THSD7A: variants seen among roughly 807,000 people sequenced by gnomAD.
The protein encoded by THSD7A is thrombospondin type 1 domain containing 7A.
THSD7A carries 96 observed loss-of-function variants against 231.3 expected under a neutral mutation model. The ratio of observed to expected loss-of-function variants is 0.41; its 90% CI spans 0.35 to 0.49. The LOEUF is 0.49. Among genes scored for constraint, THSD7A ranks in the 20% least tolerant of loss-of-function variants. THSD7A has a pLI of 0.05. For synonymous variants in THSD7A, 940 were observed against 743.3 expected (o/e 1.26, Z -4.30); for missense variants, 2,290 against 2,070.2 (o/e 1.11, Z -2.06).
intron 6 of THSD7A, among the ~76,000 whole-genome samples, chr7:11,492,670 C>T (rs10950351): frequency 0.4 from 60,359 of 151,772 alleles, 12,253 homozygotes; most frequent in Middle Eastern, 0.46. Flanking sequence ...TTGGAGAGAA[C>T]TGAAGCTAAG....
chr7:11,782,133 G>A (rs1452245275), intron 1 of THSD7A, among the ~76,000 whole-genome samples: 1 of 152,114 alleles, frequency 6.6e-6, no homozygotes, highest in Non-Finnish European at 1.5e-5. Context: ...TTTTAAAAAA[G>A]AAACTAAAAC....
At chr7:11,506,633 T>C (rs1787555141) in intron 6 of THSD7A, among the ~76,000 whole-genome samples, 1 of 152,210 alleles carries the variant, frequency 6.6e-6, no homozygotes, top group African/African-American at 2.4e-5. Context: ...CTTGGCTCCC[T>C]CTACTCTTCT....
intron 4 of THSD7A, among the ~76,000 whole-genome samples, chr7:11,575,692 C>T (rs1790868849): frequency 6.6e-6 from 1 of 152,190 alleles, no homozygotes; most frequent in African/African-American, 2.4e-5. Flanking sequence ...TTAGTACATC[C>T]ATTTCGAAGT....
chr7:11,476,577 G>A (rs554959448), intron 7 of THSD7A, among the ~76,000 whole-genome samples: 1 of 151,928 alleles, frequency 6.6e-6, no homozygotes, highest in African/African-American at 2.4e-5. Context: ...AGCACTTTAG[G>A]GGGCCAAGGT....
chr7:11,382,380 A>G (rs1562563596), intron 24 of THSD7A, 141 bp downstream of exon 24: 1 of 672,488 alleles, frequency 1.5e-6, no homozygotes, highest in Non-Finnish European at 2.6e-6. Flanking sequence ...CCAGATGGGT[A>G]TATACAGCTT....
intron 1 of THSD7A, among the ~76,000 whole-genome samples, chr7:11,734,427 T>C (rs1781838512): frequency 6.6e-6 from 1 of 151,996 alleles, no homozygotes; most frequent in African/African-American, 2.4e-5. Context: ...TTTCATCCTC[T>C]ACACTCCAGA....
At chr7:11,382,289 A>C (rs960071057) in intron 24 of THSD7A, among the ~76,000 whole-genome samples, 1 of 152,168 alleles carries the variant, frequency 6.6e-6, no homozygotes, top group African/African-American at 2.4e-5. Context: ...ATTTTAATTA[A>C]GTTTCAGCAG....
intron 23 of THSD7A, among the ~76,000 whole-genome samples, chr7:11,400,534 C>A (rs2115354498): frequency 6.6e-6 from 1 of 152,190 alleles, no homozygotes; most frequent in African/African-American, 2.4e-5. Context: ...AATTTTATTT[C>A]CTTGTCATTT....
intron 6 of THSD7A, among the ~76,000 whole-genome samples, chr7:11,499,105 G>A (rs1787228610): frequency 6.6e-6 from 1 of 152,192 alleles, no homozygotes; most frequent in Non-Finnish European, 1.5e-5. Context: ...TAATGAAGGA[G>A]CAAAGACCCT....
chr7:11,826,256 C>CT (rs1185882946), intron 1 of THSD7A, among the ~76,000 whole-genome samples: 2 of 152,144 alleles, frequency 1.3e-5, no homozygotes, highest in African/African-American at 4.8e-5. Flanking sequence ...TGTAAATACT[C>CT]TATCACCTCA....
chr7:11,486,315 T>A (rs891926140), intron 6 of THSD7A, among the ~76,000 whole-genome samples: 5 of 152,210 alleles, frequency 3.3e-5, no homozygotes, highest in Non-Finnish European at 1.5e-5. Flanking sequence ...TCAGAGTATA[T>A]ATAGGAGTAC....
chr7:11,820,777 G>A, intron 1 of THSD7A: 3 of 1,200,220 alleles, frequency 2.5e-6, no homozygotes, highest in South Asian at 2.4e-5. Flanking sequence ...ATGACCGGGA[G>A]GAAGAGGAGG....
rs775493895 is a variant in THSD7A, at chr7:11,636,304, C to G, written c.848G>C (p.Arg283Pro). 6.2e-7 allele frequency: 1 copy of G among 1,613,818 alleles called. No individual in the cohort carries two copies. The highest frequency in any genetic ancestry group is 1.3e-5 in the African/African-American group (1 of 74,914). Residue 283 changes from arginine to proline, a missense_variant, in exon 2 of 28, where the codon CGG becomes CCG. Physicochemically the swap from Arg to Pro is moderately radical, Grantham distance 103. Coordinates refer to ENST00000423059, the MANE Select transcript of THSD7A (RefSeq NM_015204.3). This position sits in a 1 kb window ranked among gnomAD's most constrained non-coding sequence, Gnocchi z 10.0. ...QARRRGKNKE[R>P]EKDRSKGVKD... The stretch of plus-strand genomic sequence containing the variant: ...TACTCCTTTGCTGCGGTCCTTTTCC[C>G]GTTCTTTATTCTTCCCGCGTCTCCT...
At chr7:11,450,052 C>T (rs927093312) in intron 11 of THSD7A, among the ~76,000 whole-genome samples, 1 of 152,124 alleles carries the variant, frequency 6.6e-6, no homozygotes, top group African/African-American at 2.4e-5. Context: ...CTCTTTGAAA[C>T]AGACTTCAAT....
chr7:11,479,844 T>C (rs980889221), intron 7 of THSD7A, among the ~76,000 whole-genome samples: 1 of 146,634 alleles, frequency 6.8e-6, no homozygotes, highest in South Asian at 2.3e-4. Context: ...ACAAATAGCA[T>C]TGACAGAGTT....
At chr7:11,410,978 C>A (rs1783764894) in intron 19 of THSD7A, among the ~76,000 whole-genome samples, 1 of 151,712 alleles carries the variant, frequency 6.6e-6, no homozygotes, top group East Asian at 1.9e-4. Context: ...TCAGAATAGG[C>A]TAATTAGCAT....
At chr7:11,765,892 C>A (rs1015859728) in intron 1 of THSD7A, among the ~76,000 whole-genome samples, 8 of 152,088 alleles carry the variant, frequency 5.3e-5, no homozygotes, top group Admixed American at 1.3e-4. Context: ...AAATAATTAT[C>A]TGAGTCTGAA....
chr7:11,768,695 T>C (rs1459535267), intron 1 of THSD7A, among the ~76,000 whole-genome samples: 4 of 152,324 alleles, frequency 2.6e-5, no homozygotes, highest in Non-Finnish European at 5.9e-5. Flanking sequence ...TAATATTTTA[T>C]ACCTTAGTTT....
At chr7:11,790,496 C>G (rs1021965193) in intron 1 of THSD7A, among the ~76,000 whole-genome samples, 11 of 151,722 alleles carry the variant, frequency 7.3e-5, no homozygotes, top group African/African-American at 2.7e-4. Flanking sequence ...GGATTCATGT[C>G]TATAAAGTAA....
Sources: gnomAD v4.1 joint callset for allele counts (sites outside exome capture counted in the v4.1 genomes callset) on GRCh38, gnomAD v4.1.1 for gene constraint, Gnocchi (gnomAD v3.1) non-coding constraint, MANE v1.5 for transcripts, NCBI Gene and HGNC (gene_info 2026-07-23, HGNC 2026-07-21) for gene names.